AFF2: variants seen among roughly 807,000 people sequenced by gnomAD.
AFF2 encodes the protein ALF transcription elongation factor 2, also known as AF4/FMR2 family member 2.
AFF2 carries 14 observed loss-of-function variants against 76.9 expected under a neutral mutation model. The observed-to-expected ratio is 0.18, with a 90% CI of 0.12 to 0.28. The LOEUF (loss-of-function observed/expected upper bound fraction) is 0.28, where lower values mean the gene tolerates loss of function less well. Ranked by LOEUF, AFF2 falls within the 10% of genes least tolerant of loss-of-function variation. The pLI is 1.00. For missense variants in AFF2, 868 were observed against 1,001.1 expected (o/e 0.87, Z 1.79); for synonymous variants, 398 against 366.7 (o/e 1.09, Z -0.98).
intron 1 of AFF2, among the ~76,000 whole-genome samples, chrX:148,552,226 C>T (rs1164611876): frequency 8.9e-6 from 1 of 111,864 alleles, no homozygotes; most frequent in Non-Finnish European, 1.9e-5. Context: ...GCAAAACATA[C>T]TTGAGGGTGG....
At position 148,592,536 on chromosome X, in the gene AFF2, G is replaced by A. The variant is rs376406497; in HGVS notation, c.48-59463G>A. On this transcript the variant is annotated intron_variant, in intron 1 of 20. Transcript: ENST00000370460. ...TTTCATAAGTGCACTTTTTAATTAA[G>A]ATAAATATTTTTTATGGGGCACATC... Among the ~76,000 whole-genome samples, 16 of 109,634 alleles carry A rather than the reference G, an allele frequency of 1.5e-4. No individual in the cohort carries two copies. In the East Asian group the frequency reaches 2.6e-3, roughly 18 times the overall value.
intron 20 of AFF2, among the ~76,000 whole-genome samples, chrX:148,989,017 A>T (rs1033653619): frequency 3.6e-5 from 4 of 112,392 alleles, no homozygotes; most frequent in Non-Finnish European, 7.5e-5. Flanking sequence ...AGAGAGCAAG[A>T]TTAATGACAG....
intron 9 of AFF2, among the ~76,000 whole-genome samples, chrX:148,937,967 A>G (rs1313951473): frequency 8.9e-6 from 1 of 112,511 alleles, no homozygotes; most frequent in Non-Finnish European, 1.9e-5. Flanking sequence ...CAGCCAAATT[A>G]TAGTCCAAGC....
chrX:148,674,901 T>C (rs1403728191), intron 3 of AFF2, among the ~76,000 whole-genome samples: 1 of 112,816 alleles, frequency 8.9e-6, no homozygotes, highest in African/African-American at 3.2e-5. Flanking sequence ...TCTAAGATTC[T>C]TAGAAAAACA....
intron 3 of AFF2, among the ~76,000 whole-genome samples, chrX:148,736,979 T>A (rs782436763): frequency 4.5e-5 from 5 of 111,878 alleles, no homozygotes; most frequent in Non-Finnish European, 9.4e-5. Flanking sequence ...TCTCTGTGCC[T>A]ATTTTTATAG....
intron 9 of AFF2, 139 bp from the exon 10 acceptor site, chrX:148,953,441 G>T (rs111442342): frequency 1.5e-6 from 1 of 663,531 alleles, no homozygotes; most frequent in Admixed American, 3.8e-5. Context: ...TAAGCCTCAC[G>T]TTTCCTATCT....
intron 1 of AFF2, among the ~76,000 whole-genome samples, chrX:148,607,978 C>T (rs111677675): frequency 0.018 from 2,036 of 111,786 alleles, 40 homozygotes; most frequent in African/African-American, 0.063. Context: ...GATACCTTGC[C>T]ATATTCAGAA....
chrX:148,870,252 T>C (rs782701349), intron 7 of AFF2, among the ~76,000 whole-genome samples: 11 of 112,208 alleles, frequency 9.8e-5, no homozygotes, highest in Non-Finnish European at 1.3e-4. Flanking sequence ...AAGAGTCATC[T>C]GCCTGCAGTC....
intron 7 of AFF2, among the ~76,000 whole-genome samples, chrX:148,879,399 C>A (rs1225437135): frequency 1.8e-5 from 2 of 112,068 alleles, no homozygotes; most frequent in African/African-American, 6.5e-5. Flanking sequence ...TGTTTTTAAG[C>A]TTTGTTCCTG....
chrX:148,798,274 GCAGAGCCC>G (rs1387011558), intron 3 of AFF2, among the ~76,000 whole-genome samples: 1 of 111,456 alleles, frequency 9.0e-6, no homozygotes, highest in Non-Finnish European at 1.9e-5. Context: ...ATTCATGAGG[GCAGAGCCC>G]CCATAGCCTA....
chrX:148,708,713 C>G (rs1206802246), intron 3 of AFF2, among the ~76,000 whole-genome samples: 1 of 112,034 alleles, frequency 8.9e-6, no homozygotes, highest in East Asian at 2.8e-4. Flanking sequence ...GACTCCGTCT[C>G]AAAAACAAAA....
chrX:148,659,281 T>C (rs1416484076), intron 2 of AFF2, among the ~76,000 whole-genome samples: 1 of 112,441 alleles, frequency 8.9e-6, no homozygotes, highest in African/African-American at 3.2e-5. Flanking sequence ...GGCAAGGTTC[T>C]CCCTACTGAG....
intron 7 of AFF2, among the ~76,000 whole-genome samples, chrX:148,871,121 G>A (rs2070969344): frequency 9.0e-6 from 1 of 111,581 alleles, no homozygotes; most frequent in African/African-American, 3.3e-5. Flanking sequence ...AAAAAGCAGT[G>A]TGGACAGTTT....
At chrX:148,814,828 A>C (rs943939764) in intron 4 of AFF2, among the ~76,000 whole-genome samples, 1 of 111,907 alleles carries the variant, frequency 8.9e-6, no homozygotes, top group African/African-American at 3.2e-5. Flanking sequence ...GAAAAAGCCC[A>C]TCTTGCAAGT....
At chrX:148,719,245 G>C in intron 3 of AFF2, 3 of 1,128,428 alleles carry the variant, frequency 2.7e-6, no homozygotes, top group Non-Finnish European at 3.5e-6. Flanking sequence ...GGCAATATGA[G>C]TTGGCTGTAG....
chrX:148,659,419 T>C (rs16994667), intron 2 of AFF2, among the ~76,000 whole-genome samples: 22,471 of 111,589 alleles, frequency 0.2, 1,671 homozygotes, highest in African/African-American at 0.23. Context: ...ACAATGACTT[T>C]TCAGGGCATG....
chrX:148,826,343 A>G (rs1427393777), intron 4 of AFF2, among the ~76,000 whole-genome samples: 1 of 110,414 alleles, frequency 9.1e-6, no homozygotes, highest in Non-Finnish European at 1.9e-5. Context: ...TCAATAAAAG[A>G]AACTTTTATA....
At chrX:148,913,549 A>G (rs2071494219) in intron 9 of AFF2, among the ~76,000 whole-genome samples, 1 of 112,307 alleles carries the variant, frequency 8.9e-6, no homozygotes, top group Non-Finnish European at 1.9e-5. Flanking sequence ...TAGGTGTTAA[A>G]TTAATACCCT....
chrX:148,935,418 C>CAT (rs2071763367), intron 9 of AFF2, among the ~76,000 whole-genome samples: 3 of 109,648 alleles, frequency 2.7e-5, no homozygotes, highest in South Asian at 3.9e-4. Context: ...CACACACACA[C>CAT]ATATATATGA....
Sources: gnomAD v4.1 joint callset for allele counts (sites outside exome capture counted in the v4.1 genomes callset) on GRCh38, gnomAD v4.1.1 for gene constraint, MANE v1.5 for transcripts, NCBI Gene and HGNC (gene_info 2026-07-23, HGNC 2026-07-21) for gene names.